Variants in CNTNAP5 observed in about 807,000 individuals in gnomAD.
CNTNAP5 encodes contactin associated protein family member 5, also known as contactin-associated protein-like 5.
A neutral mutation model predicts 150.2 loss-of-function variants in CNTNAP5; 72 were observed. The observed-to-expected ratio is 0.48, with a 90% CI of 0.40 to 0.58. CNTNAP5 has a LOEUF of 0.58. Among genes scored for constraint, CNTNAP5 ranks in the 20% least tolerant of loss-of-function variants. The pLI is 0.00. For synonymous variants in CNTNAP5, 672 were observed against 619.8 expected, an observed-to-expected ratio of 1.08 and a Z score of -1.25; for missense variants, 1,636 against 1,626.2, an observed-to-expected ratio of 1.01 and a Z score of -0.10.
chr2:124,304,253 G>C (rs960084329), intron 3 of CNTNAP5, among the ~76,000 whole-genome samples: 1 of 152,146 alleles, frequency 6.6e-6, no homozygotes, highest in African/African-American at 2.4e-5. Context: ...CTAAGGAGAA[G>C]TACTTTGCAA....
intron 6 of CNTNAP5, among the ~76,000 whole-genome samples, chr2:124,472,648 A>C (rs1488496156): frequency 6.6e-6 from 1 of 151,804 alleles, no homozygotes; most frequent in African/African-American, 2.4e-5. Context: ...GAATGCAATA[A>C]AGTGAATATT....
chr2:124,702,495 G>T (rs1387864705), intron 13 of CNTNAP5, among the ~76,000 whole-genome samples: 2 of 150,488 alleles, frequency 1.3e-5, no homozygotes, highest in Admixed American at 6.7e-5. Flanking sequence ...TGTGGACATT[G>T]CTTTCCCCCT....
intron 13 of CNTNAP5, among the ~76,000 whole-genome samples, chr2:124,725,903 A>G (rs1043856564): frequency 6.6e-6 from 1 of 152,036 alleles, no homozygotes; most frequent in African/African-American, 2.4e-5. Context: ...ACTTTTTAAA[A>G]GCTGAATAAC....
chr2:124,544,049 G>A (rs997393958), intron 10 of CNTNAP5, among the ~76,000 whole-genome samples: 13 of 151,918 alleles, frequency 8.6e-5, no homozygotes, highest in African/African-American at 3.1e-4. Flanking sequence ...AGGACACTGA[G>A]GTTCACAGGT....
intron 3 of CNTNAP5, among the ~76,000 whole-genome samples, chr2:124,283,502 T>G (rs1688068761): frequency 6.6e-6 from 1 of 152,174 alleles, no homozygotes; most frequent in Non-Finnish European, 1.5e-5. Context: ...TGGACTCTTG[T>G]AAGCCAACTC....
chr2:124,036,708 C>G (rs945253169), intron 1 of CNTNAP5, among the ~76,000 whole-genome samples: 3 of 152,148 alleles, frequency 2.0e-5, no homozygotes, highest in Non-Finnish European at 4.4e-5. Context: ...AACCTACACT[C>G]TGTGCCAAGG....
chr2:124,878,185 T>C (rs1021979300), intron 21 of CNTNAP5, among the ~76,000 whole-genome samples: 7 of 152,006 alleles, frequency 4.6e-5, no homozygotes, highest in Admixed American at 1.3e-4. Context: ...AAAGTAGAGG[T>C]AGAGTGAGGG....
intron 13 of CNTNAP5, among the ~76,000 whole-genome samples, chr2:124,693,975 C>G (rs2105082130): frequency 6.6e-6 from 1 of 152,224 alleles, no homozygotes; most frequent in East Asian, 1.9e-4. Context: ...TTGCCTGACC[C>G]ATGAACAATG....
intron 1 of CNTNAP5, among the ~76,000 whole-genome samples, chr2:124,048,177 C>A (rs1465010156): frequency 6.6e-6 from 1 of 152,188 alleles, no homozygotes; most frequent in Non-Finnish European, 1.5e-5. Flanking sequence ...ACACTTGCTA[C>A]CCATCTATGT....
chr2:124,566,350 G>A (rs1349323855), intron 11 of CNTNAP5, among the ~76,000 whole-genome samples: 2 of 152,110 alleles, frequency 1.3e-5, no homozygotes, highest in Non-Finnish European at 2.9e-5. Context: ...ACAATTTTTT[G>A]AGGAGTTCAT....
intron 3 of CNTNAP5, among the ~76,000 whole-genome samples, chr2:124,395,293 AAC>A (rs1477828685): frequency 6.6e-6 from 1 of 152,166 alleles, no homozygotes; most frequent in Non-Finnish European, 1.5e-5. Flanking sequence ...CCCAAGAAGC[AAC>A]AGTGTTGAGC....
intron 1 of CNTNAP5, among the ~76,000 whole-genome samples, chr2:124,208,540 G>A (rs1030261323): frequency 6.6e-6 from 1 of 152,168 alleles, no homozygotes; most frequent in Non-Finnish European, 1.5e-5. Flanking sequence ...CTCTGCCCAT[G>A]CCCTTCCCTT....
rs1681014800 is a variant in CNTNAP5, at chr2:124,764,007, C to T, written c.2393C>T (p.Thr798Ile). 1.2e-6 allele frequency: 2 copies of T among 1,612,988 alleles called. No homozygotes were observed. Among genetic ancestry groups the T allele is most frequent in the Non-Finnish European group, 1.7e-6 (2 of 1,179,374 alleles). Residue 798 changes from threonine (T) to isoleucine (I), a missense_variant, in exon 16 of 24, where the codon ACA (threonine) becomes ATA (isoleucine). Physicochemically the swap from Thr to Ile is moderately conservative, Grantham distance 89. Coordinates refer to ENST00000682447, the MANE Select transcript of CNTNAP5 (RefSeq NM_001367498.1). ...RRFWNAVSFY[T>I]EASYLHFPTF... is the part of the protein sequence containing the mutation. Reference sequence around the variant, plus strand: ...TTCTGGAACGCCGTCTCATTTTATACAGAAGCCTCTTACCTCCACTTTCCT... The same window carrying T: ...TTCTGGAACGCCGTCTCATTTTATATAGAAGCCTCTTACCTCCACTTTCCT...
At chr2:124,124,913 G>A (rs973867923) in intron 1 of CNTNAP5, among the ~76,000 whole-genome samples, 9 of 152,198 alleles carry the variant, frequency 5.9e-5, no homozygotes, top group African/African-American at 2.2e-4. Flanking sequence ...TCTGAAGGAA[G>A]CACTAAACAT....
At chr2:124,072,308 G>A (rs1682325948) in intron 1 of CNTNAP5, among the ~76,000 whole-genome samples, 1 of 151,638 alleles carries the variant, frequency 6.6e-6, no homozygotes, top group African/African-American at 2.4e-5. Flanking sequence ...TTTCCTCTAA[G>A]ATGTGGGAAA....
At chr2:124,167,187 C>G (rs1684825833) in intron 1 of CNTNAP5, among the ~76,000 whole-genome samples, 1 of 152,110 alleles carries the variant, frequency 6.6e-6, no homozygotes, top group South Asian at 2.1e-4. Context: ...TTCTTCCCAC[C>G]TGAAGACTTT....
chr2:124,262,078 C>T (rs567933465), intron 3 of CNTNAP5, among the ~76,000 whole-genome samples: 3 of 151,806 alleles, frequency 2.0e-5, no homozygotes, highest in Non-Finnish European at 2.9e-5. Context: ...CTTGTCTCTA[C>T]GTTTCTTTTT....
chr2:124,736,947 C>T (rs372544571), intron 13 of CNTNAP5, among the ~76,000 whole-genome samples: 3 of 152,090 alleles, frequency 2.0e-5, no homozygotes, highest in Admixed American at 2.0e-4. Context: ...ATACATTATA[C>T]AAACAAAGAA....
At chr2:124,166,863 T>C (rs1404327610) in intron 1 of CNTNAP5, among the ~76,000 whole-genome samples, 1 of 152,132 alleles carries the variant, frequency 6.6e-6, no homozygotes, top group East Asian at 1.9e-4. Flanking sequence ...TGTCCTTTGA[T>C]AAAACTTCCT....
Sources: gnomAD v4.1 joint callset for allele counts (sites outside exome capture counted in the v4.1 genomes callset) on GRCh38, gnomAD v4.1.1 for gene constraint, MANE v1.5 for transcripts, NCBI Gene and HGNC (gene_info 2026-07-23, HGNC 2026-07-21) for gene names.